The following BDP1 variants were observed in gnomAD, a reference collection of about 807,000 sequenced individuals.
The protein encoded by BDP1 is transcription factor TFIIIB component B'' homolog.
BDP1 carries 169 observed loss-of-function variants against 266.6 expected under a neutral mutation model. That is an observed-to-expected ratio of 0.63 (90% CI 0.56 to 0.72). The LOEUF (loss-of-function observed/expected upper bound fraction) is 0.72. BDP1 is among the 30% of genes least tolerant of loss of function. The pLI is 0.00. For missense variants in BDP1, 3,015 were observed against 3,053.8 expected (o/e 0.99, Z 0.30); for synonymous variants, 1,090 against 1,022.4 (o/e 1.07, Z -1.26).
intron 13 of BDP1, 97 bp from the exon 14 acceptor site, chr5:71,501,465 T>A: frequency 1.3e-6 from 1 of 795,674 alleles, no homozygotes; most frequent in Non-Finnish European, 2.1e-6. Context: ...TGAGCCACCG[T>A]GCCCGGCCAG....
At chr5:71,561,326 A>C (rs1045370338) in intron 37 of BDP1, among the ~76,000 whole-genome samples, 7 of 152,046 alleles carry the variant, frequency 4.6e-5, no homozygotes, top group African/African-American at 1.7e-4. Flanking sequence ...GCTTGAACCC[A>C]GGAGGCGGAG....
At chr5:71,555,495 A>C (rs1175455752) in intron 35 of BDP1, among the ~76,000 whole-genome samples, 2 of 149,882 alleles carry the variant, frequency 1.3e-5, no homozygotes, top group Non-Finnish European at 3.0e-5. Flanking sequence ...GCTGGAGTGC[A>C]ATAGCGTGAT....
At chr5:71,534,144 G>C (rs995590405) in intron 26 of BDP1, among the ~76,000 whole-genome samples, 22 of 152,092 alleles carry the variant, frequency 1.4e-4, no homozygotes, top group African/African-American at 5.3e-4. Flanking sequence ...TGCTTCTGTT[G>C]TCAGATCTGA....
At chr5:71,503,784 T>C (rs1764404448) in intron 15 of BDP1, among the ~76,000 whole-genome samples, 1 of 151,734 alleles carries the variant, frequency 6.6e-6, no homozygotes, top group East Asian at 1.9e-4. Flanking sequence ...CTGGGCAACA[T>C]AGTGACACTC....
At chr5:71,473,395 C>G (rs1762386394) in intron 7 of BDP1, among the ~76,000 whole-genome samples, 1 of 150,804 alleles carries the variant, frequency 6.6e-6, no homozygotes, top group African/African-American at 2.4e-5. Flanking sequence ...CTGCCTCAGC[C>G]TCCCGAGTAG....
At position 71,528,339 on chromosome 5, in the gene BDP1, G is replaced by A. The variant is rs114670071; in HGVS notation, c.5773-3969G>A. ...ACATATTTAGCTTCCTTACACTTTT[G>A]CCTGTTAGTCTGCCATTCCAACTTT... is the stretch of plus-strand genomic sequence containing the variant. On this transcript the variant is annotated intron_variant, in intron 25 of 38. Coordinates refer to ENST00000358731, the MANE Select transcript of BDP1 (RefSeq NM_018429.3). Among the ~76,000 whole-genome samples the A allele has an allele frequency of 9.8e-3, 1,498 of 152,200 alleles. 28 individuals are homozygous for A. The highest frequency in any genetic ancestry group is 0.034 in the African/African-American group (1,409 of 41,528).
At chr5:71,506,786 AACACACACACACACACAC>A (rs70992971) in intron 16 of BDP1, among the ~76,000 whole-genome samples, 1 of 64,406 alleles carries the variant, frequency 1.6e-5, no homozygotes, top group Non-Finnish European at 4.0e-5. Context: ...ATATATTTGA[AACACACACACACACACAC>A]ACACACACAC....
At chr5:71,475,085 T>C (rs181221081) in intron 7 of BDP1, among the ~76,000 whole-genome samples, 61 of 152,300 alleles carry the variant, frequency 4.0e-4, no homozygotes, top group Admixed American at 1.9e-3. Flanking sequence ...AAATGTACTT[T>C]ATTTTAATTT....
At chr5:71,458,989 C>CAAGAAGGGATG in intron 2 of BDP1, 134 bp downstream of exon 2, 1 of 775,384 alleles carries the variant, frequency 1.3e-6, no homozygotes, top group Non-Finnish European at 2.0e-6. Context: ...TAGAACATCC[C>CAAGAAGGGATG]TTCTTGTTAA....
chr5:71,494,367 AGGC>A (rs1763758140), intron 11 of BDP1: 1 of 152,294 alleles, frequency 6.6e-6, no homozygotes, highest in African/African-American at 2.4e-5. Context: ...TCTGTCGCCC[AGGC>A]TGGAATGCAG....
chr5:71,489,518 T>G lies in BDP1; in HGVS notation c.1328T>G (p.Leu443Arg). 3.1e-6 allele frequency: 5 copies of G among 1,614,138 alleles called. No individual in the cohort carries two copies. Among genetic ancestry groups the G allele is most frequent in the Non-Finnish European group, 4.2e-6 (5 of 1,180,002 alleles). Reference protein sequence around the residue: ...KDAQTVEEESLTLSREDAEQV... With the variant: ...KDAQTVEEESRTLSREDAEQV... ...GCTCAGACAGTTGAAGAAGAGTCTC[T>G]GACCTTATCAAGGGAGGATGCAGAG... Residue 443 changes from leucine (L) to arginine (R), a missense_variant, in exon 10 of 39, where the codon CTG becomes CGG. By Grantham distance (102) the Leu-to-Arg change is moderately radical. Transcript: ENST00000358731.
intron 13 of BDP1, among the ~76,000 whole-genome samples, chr5:71,497,832 G>C (rs1448501156): frequency 6.6e-6 from 1 of 152,168 alleles, no homozygotes; most frequent in Non-Finnish European, 1.5e-5. Context: ...AGGCAACAGA[G>C]TCCAGGAGTG....
intron 26 of BDP1, among the ~76,000 whole-genome samples, chr5:71,533,241 A>G (rs1431840502): frequency 2.0e-5 from 3 of 152,188 alleles, no homozygotes; most frequent in African/African-American, 7.2e-5. Context: ...GTAAACATTC[A>G]TGTAGAAGTG....
intron 8 of BDP1, among the ~76,000 whole-genome samples, chr5:71,485,206 A>G (rs554190518): frequency 2.6e-5 from 4 of 152,212 alleles, no homozygotes; most frequent in Non-Finnish European, 5.9e-5. Flanking sequence ...AGCTACTCTC[A>G]GGAGTCGCTG....
chr5:71,470,088 G>A (rs1260768632), intron 6 of BDP1, among the ~76,000 whole-genome samples: 2 of 152,008 alleles, frequency 1.3e-5, no homozygotes, highest in East Asian at 1.9e-4. Flanking sequence ...TGACCCACCC[G>A]CCTCAGCCTC....
At chr5:71,465,291 A>T (rs1215728929) in intron 4 of BDP1, among the ~76,000 whole-genome samples, 2 of 151,884 alleles carry the variant, frequency 1.3e-5, no homozygotes, top group African/African-American at 4.8e-5. Flanking sequence ...TATTATTATT[A>T]TTTTTACAGA....
intron 14 of BDP1, among the ~76,000 whole-genome samples, chr5:71,501,983 G>T (rs928473011): frequency 2.6e-5 from 4 of 152,100 alleles, no homozygotes; most frequent in Admixed American, 1.3e-4. Flanking sequence ...AATCTGACTG[G>T]TGGATTCTGG....
Position 71,517,425 on chromosome 5 carries a change from A to G in BDP1, c.4964A>G (p.His1655Arg). The part of the protein sequence containing the change: ...QSQVVLVENL[H>R]VNKTNETIRH... The stretch of plus-strand genomic sequence containing the variant: ...CAGGTGGTTCTTGTAGAAAACCTTC[A>G]TGTTAACAAAACAAATGAAACAATC... The change falls in exon 22 of 39, where the codon CAT becomes CGT. Residue 1655 changes from histidine to arginine, a missense_variant. By Grantham distance (29) the His-to-Arg change is conservative. Coordinates refer to ENST00000358731, the MANE Select transcript of BDP1 (RefSeq NM_018429.3). The G allele has an allele frequency of 1.3e-5, 20 of 1,596,316 alleles. No homozygotes were observed. The highest frequency in any genetic ancestry group is 1.6e-5 in the Non-Finnish European group (19 of 1,174,882).
intron 6 of BDP1, among the ~76,000 whole-genome samples, chr5:71,469,221 C>T (rs949141573): frequency 1.2e-4 from 18 of 151,994 alleles, no homozygotes; most frequent in Admixed American, 2.6e-4. Flanking sequence ...TCACTGCAGC[C>T]GCCACCTCCT....
Sources: allele counts gnomAD v4.1 joint callset (sites outside exome capture counted in the v4.1 genomes callset), GRCh38; gene constraint gnomAD v4.1.1; transcripts MANE v1.5; gene names NCBI Gene and HGNC (gene_info 2026-07-23, HGNC 2026-07-21).